KIFC3: variants seen among roughly 807,000 people sequenced by gnomAD.
KIFC3 encodes kinesin-like protein KIFC3.
In KIFC3, 60 loss-of-function variants were observed where a neutral mutation model predicts 101.8. The observed-to-expected ratio is 0.59, with a 90% CI of 0.48 to 0.73. KIFC3 has a LOEUF of 0.73. Ranked by LOEUF, KIFC3 falls within the 30% of genes least tolerant of loss-of-function variation. The probability of loss-of-function intolerance (pLI) is 0.00; values close to 1 mark genes in which losing one functional copy is unlikely to be tolerated. For synonymous variants in KIFC3, 476 were observed against 482.7 expected, an observed-to-expected ratio of 0.99 and a Z score of 0.18; for missense variants, 966 against 1,137.1, an observed-to-expected ratio of 0.85 and a Z score of 2.16.
At chr16:57,854,026 C>T (rs780963251) in intron 1 of KIFC3, among the ~76,000 whole-genome samples, 22 of 152,066 alleles carry the variant, frequency 1.4e-4, no homozygotes, top group Non-Finnish European at 2.9e-4. Flanking sequence ...AATGTAGCCT[C>T]GACTTCCCAG....
chr16:57,818,344 A>G (rs1219106086), intron 1 of KIFC3, among the ~76,000 whole-genome samples: 2 of 152,130 alleles, frequency 1.3e-5, no homozygotes, highest in Non-Finnish European at 2.9e-5. Context: ...ATCCATGGTC[A>G]TATAGCTAAC....
chr16:57,763,411 G>A (rs1478701333), intron 12 of KIFC3, among the ~76,000 whole-genome samples: 1 of 152,076 alleles, frequency 6.6e-6, no homozygotes, highest in African/African-American at 2.4e-5. Context: ...GCAGAGTCCA[G>A]ATGGGAAATA....
chr16:57,763,626 G>A (rs529651762), intron 12 of KIFC3, among the ~76,000 whole-genome samples: 4 of 152,100 alleles, frequency 2.6e-5, no homozygotes, highest in African/African-American at 7.2e-5. Context: ...CACCTGGGAG[G>A]GTGCCGGTGA....
intron 1 of KIFC3, among the ~76,000 whole-genome samples, chr16:57,841,435 G>T (rs2055807909): frequency 6.6e-6 from 1 of 152,214 alleles, no homozygotes; most frequent in East Asian, 1.9e-4. Context: ...GGAGGTTGAG[G>T]TGGGTAGATC....
chr16:57,826,182 C>G (rs1482279313), intron 1 of KIFC3, among the ~76,000 whole-genome samples: 4 of 152,260 alleles, frequency 2.6e-5, no homozygotes, highest in South Asian at 2.1e-4. Context: ...CCCGCTTCCC[C>G]CACCATGGGA....
At chr16:57,772,363 AC>A in intron 3 of KIFC3, 75 bp from the exon 4 acceptor site, 1 of 1,241,430 alleles carries the variant, frequency 8.1e-7, no homozygotes, top group Non-Finnish European at 1.2e-6. Context: ...CCTGCCCAGC[AC>A]CAGGGATGAC....
intron 3 of KIFC3, among the ~76,000 whole-genome samples, chr16:57,780,177 C>T (rs2052555361): frequency 1.3e-5 from 2 of 152,198 alleles, no homozygotes; most frequent in South Asian, 2.1e-4. Flanking sequence ...ATGGTTGTTG[C>T]ACAATGAGAA....
intron 3 of KIFC3, among the ~76,000 whole-genome samples, chr16:57,777,486 C>T (rs193013249): frequency 5.3e-5 from 8 of 152,232 alleles, no homozygotes; most frequent in African/African-American, 9.6e-5. Flanking sequence ...TTTGGGAGGC[C>T]GAGGCAGGCG....
At chr16:57,767,510 A>C (rs1377563618) in intron 9 of KIFC3, among the ~76,000 whole-genome samples, 1 of 152,240 alleles carries the variant, frequency 6.6e-6, no homozygotes, top group Non-Finnish European at 1.5e-5. Flanking sequence ...CTGGAGTAGA[A>C]GGGAAGTGTA....
chr16:57,851,101 C>T (rs1401283355), intron 1 of KIFC3, among the ~76,000 whole-genome samples: 1 of 152,050 alleles, frequency 6.6e-6, no homozygotes. Flanking sequence ...GCCTCAAGCT[C>T]CTAGGCTCCA....
chr16:57,770,386 G>T lies in KIFC3; in HGVS notation c.939+141C>A, dbSNP rs1022991524. On this transcript the variant is annotated intron_variant, in intron 7 of 19. Coordinates refer to ENST00000445690, the MANE Select transcript of KIFC3 (RefSeq NM_001130100.2). ...AGGAAAAGGAAACCAGACAAAACTT[G>T]CCCTGGGTCCCGTGGCCATCGGGGA... The T allele has an allele frequency of 1.0e-4, 74 of 717,102 alleles. 1 individual carries two copies. The highest frequency in any genetic ancestry group is 2.7e-5 in the Non-Finnish European group (13 of 485,238). The allele number at this position is 717,102 out of a possible 1,614,324, so 44.4% of individuals were successfully genotyped here. A position where few individuals can be genotyped will look rare whatever the true frequency, so the allele number is the denominator to read the frequency against.
At chr16:57,803,097 C>T (rs2054842456), upstream of KIFC3, 17 of 1,431,690 alleles carry the variant, frequency 1.2e-5, no homozygotes, top group South Asian at 2.1e-4. Context: ...CACAGCACTT[C>T]CTACCTCTGC....
At chr16:57,772,551 G>C (rs989318777) in intron 3 of KIFC3, among the ~76,000 whole-genome samples, 21 of 152,154 alleles carry the variant, frequency 1.4e-4, no homozygotes, top group Admixed American at 1.3e-4. Context: ...CAGAGGGCAA[G>C]TGCAACCAAG....
chr16:57,802,307 A>T lies in KIFC3; in HGVS notation c.-40+63T>A. The stretch of plus-strand genomic sequence containing the variant: ...GGCCGGCCCGGACGCGGCGCCCCAA[A>T]CGGCGGGCCGGGCAGAGCCCAGCGC... On this transcript the variant is annotated intron_variant, in intron 1 of 19. Coordinates refer to ENST00000445690, the MANE Select transcript of KIFC3 (RefSeq NM_001130100.2). This position sits in a 1 kb window ranked among gnomAD's most constrained non-coding sequence, Gnocchi z 5.0. 8.3e-6 allele frequency: 7 copies of T among 844,734 alleles called. No individual in the cohort carries two copies. The highest frequency in any genetic ancestry group is 1.0e-5 in the Non-Finnish European group (7 of 702,208). 52.3% of individuals were successfully genotyped at this position (844,734 alleles called of 1,614,324 possible).
intron 1 of KIFC3, chr16:57,815,539 A>G (rs1009947198): frequency 7.8e-7 from 1 of 1,287,248 alleles, no homozygotes; most frequent in African/African-American, 1.5e-5. Context: ...TTCTACCAGG[A>G]TGCCCTCCAA....
intron 1 of KIFC3, among the ~76,000 whole-genome samples, chr16:57,850,567 C>A (rs2056032194): frequency 6.9e-6 from 1 of 144,050 alleles, no homozygotes; most frequent in South Asian, 2.2e-4. Flanking sequence ...CCTCCATCCA[C>A]CAGGTTCAAG....
In KIFC3 at chr16:57,760,791, A is replaced by T; in HGVS notation, c.2167T>A (p.Ser723Thr). 1.2e-6 allele frequency: 2 copies of T among 1,613,822 alleles called. No individual in the cohort carries two copies. The highest frequency in any genetic ancestry group is 1.7e-6 in the Non-Finnish European group (2 of 1,179,994). Residue 723 changes from serine (S) to threonine (T), a missense_variant, in exon 16 of 20, where the codon TCC becomes ACC. Transcript: ENST00000445690. ...TCCTGCAGCAGGTAGGTGAGCTTGGAGTTGCGGAAGGGCACGTGGCCCTGG... is the reference window on the plus strand; with the variant it reads ...TCCTGCAGCAGGTAGGTGAGCTTGGTGTTGCGGAAGGGCACGTGGCCCTGG... ...SRQGHVPFRN[S>T]KLTYLLQDSL...
chr16:57,770,467 G>T lies in KIFC3; in HGVS notation c.939+60C>A, dbSNP rs115700123. On this transcript the variant is annotated intron_variant, in intron 7 of 19. Transcript: ENST00000445690. ...TACCCAAATGTTTAACCGATGCATT[G>T]GCCCAAGGGCCTGCCTCTGGCTTCC... The T allele has an allele frequency of 6.5e-3, 8,596 of 1,330,102 alleles. 491 individuals carry two copies. In the African/African-American group the frequency reaches 0.12, roughly 18 times the overall value. The allele number at this position is 1,330,102 out of a possible 1,614,324, so 82.4% of individuals were successfully genotyped here. A position where few individuals can be genotyped will look rare whatever the true frequency, so the allele number is the denominator to read the frequency against.
At chr16:57,786,666 C>G (rs781800659) in intron 3 of KIFC3, among the ~76,000 whole-genome samples, 13 of 152,136 alleles carry the variant, frequency 8.5e-5, no homozygotes, top group Non-Finnish European at 1.3e-4. Context: ...GCCTGGGGCT[C>G]TAGGTGTTCC....
Sources: gnomAD v4.1 joint callset for allele counts (sites outside exome capture counted in the v4.1 genomes callset) on GRCh38, gnomAD v4.1.1 for gene constraint, Gnocchi (gnomAD v3.1) non-coding constraint, MANE v1.5 for transcripts, NCBI Gene and HGNC (gene_info 2026-07-23, HGNC 2026-07-21) for gene names.